The following TLN2 variants were observed in gnomAD, a reference collection of about 807,000 sequenced individuals.
TLN2 encodes talin 2, also known as talin-2.
Under a neutral mutation model 294.7 loss-of-function variants are expected in TLN2, and 118 were observed. The observed-to-expected ratio is 0.40, with a 90% CI of 0.34 to 0.47. The LOEUF is 0.47. Among genes scored for constraint, TLN2 ranks in the 20% least tolerant of loss-of-function variants. The pLI is 0.84. For missense variants in TLN2, 3,083 were observed against 3,282.2 expected (o/e 0.94, Z 1.48); for synonymous variants, 1,431 against 1,304.5 (o/e 1.10, Z -2.09).
intron 42 of TLN2, among the ~76,000 whole-genome samples, chr15:62,771,880 A>C (rs1220804446): frequency 6.6e-6 from 1 of 152,230 alleles, no homozygotes; most frequent in Non-Finnish European, 1.5e-5. Flanking sequence ...GGCAGTTTTT[A>C]AGCAGGGGAA....
At chr15:62,570,912 TG>T (rs2140641557) in intron 1 of TLN2, among the ~76,000 whole-genome samples, 1 of 130,074 alleles carries the variant, frequency 7.7e-6, no homozygotes, top group East Asian at 2.0e-4. Context: ...TCTGTGTGTG[TG>T]TGTGTGTGTG....
chr15:62,666,573 A>G (rs2054676590), intron 9 of TLN2, among the ~76,000 whole-genome samples: 1 of 152,192 alleles, frequency 6.6e-6, no homozygotes, highest in African/African-American at 2.4e-5. Flanking sequence ...GTATAATTGA[A>G]TATAATTAAA....
At chr15:62,726,204 C>T (rs144136979) in intron 27 of TLN2, among the ~76,000 whole-genome samples, 4 of 152,178 alleles carry the variant, frequency 2.6e-5, no homozygotes, top group Non-Finnish European at 5.9e-5. Context: ...AGGAAAACAT[C>T]ATGAATTTTT....
intron 3 of TLN2, among the ~76,000 whole-genome samples, chr15:62,636,410 T>A (rs1429003984): frequency 6.6e-6 from 1 of 151,978 alleles, no homozygotes; most frequent in East Asian, 1.9e-4. Context: ...AATGTGATGA[T>A]ATGCAGATGG....
In TLN2 at chr15:62,692,028, G is replaced by A. The variant is rs144169870; in HGVS notation, c.1114-812G>A. On this transcript the variant is annotated intron_variant, in intron 12 of 58. Transcript: ENST00000636159. ...TTCTGTTATAGCAGGTGGCCACTTT[G>A]TTCAAGTTTAGCGTGTAGTATTCTG... Among the ~76,000 whole-genome samples, 36 of 152,290 alleles carry A rather than the reference G, an allele frequency of 2.4e-4. No individual in the cohort carries two copies. The East Asian group carries it at 6.8e-3, about 29-fold the overall frequency.
intron 1 of TLN2, among the ~76,000 whole-genome samples, chr15:62,563,525 CT>C (rs1209465363): frequency 3.3e-5 from 5 of 152,178 alleles, no homozygotes; most frequent in Non-Finnish European, 4.4e-5. Flanking sequence ...TGAAGATTTT[CT>C]CCCACTTGGT....
At chr15:62,471,633 C>A (rs1388153178) in intron 1 of TLN2, among the ~76,000 whole-genome samples, 2 of 152,188 alleles carry the variant, frequency 1.3e-5, no homozygotes, top group African/African-American at 4.8e-5. Flanking sequence ...GCAAGAACTA[C>A]CCTTTTCTGC....
Position 62,647,388 on chromosome 15 carries a change from T to C in TLN2, c.78T>C (p.Ala26=), listed in dbSNP as rs767648413. ...VKTMQFEPST[A]VYDACRVIRE... ...CCATGCAGTTTGAACCATCTACAGC[T>C]GTGTACGATGCGTGTCGAGTCATTC... The change falls in exon 4 of 59, where the codon GCT becomes GCC. Residue 26 remains alanine (A), a synonymous_variant. Coordinates refer to ENST00000636159, the MANE Select transcript of TLN2 (RefSeq NM_015059.3). 1 of 1,614,092 alleles carries C rather than the reference T, an allele frequency of 6.2e-7. No individual in the cohort carries two copies. The highest frequency in any genetic ancestry group is 8.5e-7 in the Non-Finnish European group (1 of 1,180,034).
chr15:62,553,096 T>A (rs1188008761), intron 1 of TLN2, among the ~76,000 whole-genome samples: 1 of 152,222 alleles, frequency 6.6e-6, no homozygotes, highest in East Asian at 1.9e-4. Flanking sequence ...GATGTCAGTG[T>A]CTTTAAAGCT....
At chr15:62,578,657 G>A (rs1365164640) in intron 1 of TLN2, among the ~76,000 whole-genome samples, 1 of 152,200 alleles carries the variant, frequency 6.6e-6, no homozygotes, top group Non-Finnish European at 1.5e-5. Flanking sequence ...TCCCCATCCT[G>A]CTCACAGAGA....
intron 1 of TLN2, among the ~76,000 whole-genome samples, chr15:62,505,122 A>AT (rs2039539204): frequency 6.7e-6 from 1 of 150,200 alleles, no homozygotes; most frequent in Non-Finnish European, 1.5e-5. Context: ...ATGCCCAGCT[A>AT]ATTTTTTTGT....
Position 62,741,748 on chromosome 15 carries a change from C to CGCGCGCGCGTGTGTGTGT in TLN2, c.4025+980_4025+981insCGCGCGCGTGTGTGTGTG. ...TTAACTTGGTTTTTTAAAATTTGCG[C>CGCGCGCGCGTGTGTGTGT]GTGTGTGTGTGTGTGTGTGTCTTTA... On this transcript the variant is annotated intron_variant, in intron 32 of 58. Transcript: ENST00000636159. Among the ~76,000 whole-genome samples the CGCGCGCGCGTGTGTGTGT allele has an allele frequency of 9.1e-4, 119 of 131,162 alleles. 2 individuals are homozygous for CGCGCGCGCGTGTGTGTGT. The highest frequency in any genetic ancestry group is 5.9e-3 in the South Asian group (22 of 3,698). The allele number at this position is 131,162 out of a possible 152,430, so 86.0% of individuals were successfully genotyped here. A position where few individuals can be genotyped will look rare whatever the true frequency, so the allele number is the denominator to read the frequency against.
At chr15:62,451,278 G>A (rs543209549) in intron 1 of TLN2, among the ~76,000 whole-genome samples, 2 of 152,314 alleles carry the variant, frequency 1.3e-5, no homozygotes, top group African/African-American at 4.8e-5. Flanking sequence ...CTAGGGCGTG[G>A]TGTGAGGGGC....
intron 2 of TLN2, among the ~76,000 whole-genome samples, chr15:62,591,147 C>T (rs2046046311): frequency 6.6e-6 from 1 of 151,928 alleles, no homozygotes; most frequent in Admixed American, 6.6e-5. Context: ...ATAATTTTGC[C>T]AAAGAGAAAA....
Position 62,809,952 on chromosome 15 carries a change from G to A in TLN2, c.6691G>A (p.Asp2231Asn). The A allele has an allele frequency of 6.2e-7, 1 of 1,614,138 alleles. No individual in the cohort carries two copies. Among genetic ancestry groups the A allele is most frequent in the Non-Finnish European group, 8.5e-7 (1 of 1,180,038 alleles). The change falls in exon 52 of 59, where the codon GAC (aspartate) becomes AAC (asparagine). Residue 2231 changes from aspartate (D) to asparagine (N), a missense_variant. Asp to Asn is a conservative substitution (Grantham distance 23, BLOSUM62 1). Transcript: ENST00000636159. ...AGCATCCTTCCACCCCGATGTCAGT[G>A]ACGAGGTGAGAACCAGAGCCTTGCG... ...KQASFHPDVSDEVRTRALRFG... is the reference protein window; with the variant it reads ...KQASFHPDVSNEVRTRALRFG...
At chr15:62,809,781 G>A (rs551011727) in intron 51 of TLN2, 144 bp from the exon 52 acceptor site, 14 of 702,240 alleles carry the variant, frequency 2.0e-5, no homozygotes, top group East Asian at 5.5e-5. Flanking sequence ...GCAGGAGGAC[G>A]TAGAGGAGAG....
intron 1 of TLN2, among the ~76,000 whole-genome samples, chr15:62,546,608 C>G (rs2042007743): frequency 6.6e-6 from 1 of 152,118 alleles, no homozygotes; most frequent in African/African-American, 2.4e-5. Flanking sequence ...GCAAGGACAG[C>G]ATAGAGAGCC....
chr15:62,452,862 T>C (rs1297420291), intron 1 of TLN2, among the ~76,000 whole-genome samples: 1 of 152,034 alleles, frequency 6.6e-6, no homozygotes, highest in East Asian at 1.9e-4. Context: ...TAATCCTCTG[T>C]GTAGAATGGA....
intron 1 of TLN2, among the ~76,000 whole-genome samples, chr15:62,578,642 G>T (rs1295086005): frequency 6.6e-6 from 1 of 152,202 alleles, no homozygotes; most frequent in African/African-American, 2.4e-5. Flanking sequence ...CAGGAAAGGT[G>T]TGAATCCCCA....
Sources: allele counts gnomAD v4.1 joint callset (sites outside exome capture counted in the v4.1 genomes callset), GRCh38; gene constraint gnomAD v4.1.1; transcripts MANE v1.5; gene names NCBI Gene and HGNC (gene_info 2026-07-23, HGNC 2026-07-21).